Variants in TUT4 observed in about 807,000 individuals in gnomAD.
TUT4 encodes terminal uridylyl transferase 4, also known as terminal uridylyltransferase 4.
A neutral mutation model predicts 192.2 loss-of-function variants in TUT4; 36 were observed. The observed-to-expected ratio is 0.19, with a 90% CI of 0.14 to 0.25. The LOEUF is 0.25. TUT4 is among the 10% of genes least tolerant of loss of function. The pLI, the probability that TUT4 is intolerant of heterozygous loss-of-function variation, is 1.00. For missense variants in TUT4, 1,493 were observed against 1,957.2 expected (o/e 0.76, Z 4.47); for synonymous variants, 618 against 666.0 (o/e 0.93, Z 1.11).
At chr1:52,466,922 C>T (rs1033930208) in intron 15 of TUT4, among the ~76,000 whole-genome samples, 1 of 152,008 alleles carries the variant, frequency 6.6e-6, no homozygotes, top group African/African-American at 2.4e-5. Context: ...CTTCCTCAGC[C>T]TCCCAAAGTG....
At chr1:52,532,318 CTT>C (rs1286441776) in intron 1 of TUT4, among the ~76,000 whole-genome samples, 5 of 151,180 alleles carry the variant, frequency 3.3e-5, no homozygotes, top group Non-Finnish European at 5.9e-5. Context: ...GATAATACTT[CTT>C]GTTTTGTTTT....
chr1:52,454,635 A>G lies in TUT4; in HGVS notation c.3435+3701T>C, dbSNP rs191773905. 1.8e-3 allele frequency among the ~76,000 whole-genome samples: 275 copies of G among 152,194 alleles called. 1 individual carries two copies. The highest frequency in any genetic ancestry group is 4.2e-3 in the Admixed American group (64 of 15,246). Reference sequence around the variant, plus strand: ...ACTCCTGGAAGAAAACACAAGAGAAAATCTGTATGACCTTGAGTATAGTGA... The same window carrying G: ...ACTCCTGGAAGAAAACACAAGAGAAGATCTGTATGACCTTGAGTATAGTGA... On this transcript the variant is annotated intron_variant, in intron 20 of 29. Transcript: ENST00000257177.
chr1:52,497,596 TCCTG>T (rs1330626903), intron 4 of TUT4, among the ~76,000 whole-genome samples: 2 of 152,340 alleles, frequency 1.3e-5, no homozygotes, highest in East Asian at 3.8e-4. Context: ...CAGGAAAACT[TCCTG>T]CCTACTATTT....
intron 27 of TUT4, chr1:52,434,059 CAAAG>C (rs1248578670): frequency 6.6e-6 from 1 of 151,998 alleles, no homozygotes; most frequent in Admixed American, 6.6e-5. Context: ...TTTATAATCA[CAAAG>C]AATGAATGCA....
At position 52,526,040 on chromosome 1, in the gene TUT4, G is replaced by T; in HGVS notation, c.241C>A (p.Pro81Thr). 1 of 1,612,714 alleles carries T rather than the reference G, an allele frequency of 6.2e-7. No homozygotes were observed. ...KSCKVNAANL[P>T]GPKDLGLVLR... Reference sequence around the variant, plus strand: ...ACTAACCCCAAATCTTTAGGACCTGGAAGGTTGGCAGCATTTACTTTACAT... The same window carrying T: ...ACTAACCCCAAATCTTTAGGACCTGTAAGGTTGGCAGCATTTACTTTACAT... Residue 81 changes from proline (P) to threonine (T), a missense_variant, in exon 2 of 30, where the codon CCA becomes ACA. Pro to Thr is a conservative substitution (Grantham distance 38, BLOSUM62 -1). Around this residue, in one of 7 missense-constraint regions of TUT4, gnomAD observed 260 missense variants for 247.8 expected, o/e 1.05. Coordinates refer to ENST00000257177, the MANE Select transcript of TUT4 (RefSeq NM_001009881.3).
chr1:52,540,241 A>C (rs1384108886), intron 1 of TUT4, among the ~76,000 whole-genome samples: 1 of 123,666 alleles, frequency 8.1e-6, no homozygotes, highest in Non-Finnish European at 1.7e-5. Context: ...AAATGGCCGG[A>C]CGCGGTGGCT....
chr1:52,492,283 T>A (rs889072132), intron 7 of TUT4, among the ~76,000 whole-genome samples: 1 of 152,080 alleles, frequency 6.6e-6, no homozygotes, highest in Non-Finnish European at 1.5e-5. Context: ...GAGCTGATTG[T>A]GTGGACAGAA....
intron 1 of TUT4, among the ~76,000 whole-genome samples, chr1:52,534,825 T>C (rs1684465554): frequency 2.0e-5 from 3 of 152,134 alleles, no homozygotes; most frequent in African/African-American, 7.2e-5. Flanking sequence ...ATGGCACCAC[T>C]GAACCCCAGG....
chr1:52,486,487 G>A (rs1226944893), intron 9 of TUT4, among the ~76,000 whole-genome samples: 2 of 151,998 alleles, frequency 1.3e-5, no homozygotes, highest in African/African-American at 4.8e-5. Flanking sequence ...GAATTGTCCT[G>A]AACCCCCAAA....
intron 28 of TUT4, among the ~76,000 whole-genome samples, chr1:52,429,626 C>CTGT (rs1417001521): frequency 2.0e-5 from 3 of 151,338 alleles, no homozygotes; most frequent in Non-Finnish European, 4.4e-5. Flanking sequence ...GAGTCTCACT[C>CTGT]TGTTGCCCAG....
At chr1:52,506,232 T>C (rs1361946935) in intron 4 of TUT4, among the ~76,000 whole-genome samples, 1 of 152,216 alleles carries the variant, frequency 6.6e-6, no homozygotes, top group Non-Finnish European at 1.5e-5. Context: ...TAAAGTTATA[T>C]TTAGAATTTC....
chr1:52,502,479 A>G (rs992366985), intron 4 of TUT4, among the ~76,000 whole-genome samples: 2 of 152,180 alleles, frequency 1.3e-5, no homozygotes, highest in Non-Finnish European at 2.9e-5. Context: ...CTCCATTTAA[A>G]TCATGATTAA....
At chr1:52,518,293 C>T (rs1557925407) in intron 2 of TUT4, among the ~76,000 whole-genome samples, 1 of 152,188 alleles carries the variant, frequency 6.6e-6, no homozygotes. Flanking sequence ...CAAAATACTA[C>T]AGACTGGGTG....
At chr1:52,523,102 C>T (rs1216436198) in intron 2 of TUT4, among the ~76,000 whole-genome samples, 3 of 144,070 alleles carry the variant, frequency 2.1e-5, no homozygotes, top group Admixed American at 7.3e-5. Flanking sequence ...AGGCAATTCT[C>T]CTGCCTCAGC....
intron 6 of TUT4, among the ~76,000 whole-genome samples, chr1:52,494,403 A>G (rs972852488): frequency 1.3e-5 from 2 of 152,196 alleles, no homozygotes; most frequent in Non-Finnish European, 2.9e-5. Flanking sequence ...CTATTTAAGA[A>G]TATTTAGGCC....
chr1:52,522,956 C>G (rs1397955033), intron 2 of TUT4, among the ~76,000 whole-genome samples: 1 of 147,854 alleles, frequency 6.8e-6, no homozygotes, highest in Non-Finnish European at 1.5e-5. Flanking sequence ...TCATGTTTTT[C>G]ACCAATTCAA....
Position 52,434,491 on chromosome 1 carries a change from G to A in TUT4, c.4263+874C>T, listed in dbSNP as rs142773408. 4.6e-5 allele frequency: 7 copies of A among 152,172 alleles called. No homozygotes were observed. In the East Asian group the frequency reaches 1.3e-3, roughly 29 times the overall value. The allele number at this position is 152,172 out of a possible 1,614,324, so 9.4% of individuals were successfully genotyped here. Reference sequence around the variant, plus strand: ...AGTCATTATTAATTAAGAAGTACAAGGTGAATATAGATTTACACAAAGGTT... The same window carrying A: ...AGTCATTATTAATTAAGAAGTACAAAGTGAATATAGATTTACACAAAGGTT... On this transcript the variant is annotated intron_variant, in intron 27 of 29. Coordinates refer to ENST00000257177, the MANE Select transcript of TUT4 (RefSeq NM_001009881.3).
chr1:52,519,684 T>C (rs1234843657), intron 2 of TUT4, among the ~76,000 whole-genome samples: 3 of 152,020 alleles, frequency 2.0e-5, no homozygotes, highest in Non-Finnish European at 2.9e-5. Flanking sequence ...TAATTTTGTA[T>C]TTTTAGTAGA....
rs201188495 is a variant in TUT4 at position 52,501,705 on chromosome 1, C to T, written c.1000-4522G>A. On this transcript the variant is annotated intron_variant, in intron 4 of 29. Coordinates refer to ENST00000257177, the MANE Select transcript of TUT4 (RefSeq NM_001009881.3). ...CACAACAGTCAAATGGTGGAAACAA[C>T]CCAAGTGTCCATCCATGGATGAAAT... Among the ~76,000 whole-genome samples, 3 of 152,126 alleles carry T rather than the reference C, an allele frequency of 2.0e-5. No homozygotes were observed. In the East Asian group the frequency reaches 5.8e-4, roughly 29 times the overall value.
Sources: allele counts gnomAD v4.1 joint callset (sites outside exome capture counted in the v4.1 genomes callset), GRCh38; gene constraint gnomAD v4.1.1; regional missense constraint gnomAD v4.1.1; transcripts MANE v1.5; gene names NCBI Gene and HGNC (gene_info 2026-07-23, HGNC 2026-07-21).